Variants in CLMN observed in about 807,000 individuals in gnomAD.
CLMN encodes the protein calmin.
CLMN carries 57 observed loss-of-function variants against 92.7 expected under a neutral mutation model. The ratio of observed to expected loss-of-function variants is 0.61; its 90% CI spans 0.50 to 0.77. CLMN has a LOEUF of 0.77. CLMN is among the 30% of genes least tolerant of loss of function. CLMN has a pLI of 0.00. For missense variants in CLMN, 1,158 were observed against 1,237.5 expected (o/e 0.94, Z 0.96); for synonymous variants, 466 against 470.6 (o/e 0.99, Z 0.13).
At chr14:95,291,045 G>A (rs977174658) in intron 1 of CLMN, among the ~76,000 whole-genome samples, 2 of 152,164 alleles carry the variant, frequency 1.3e-5, no homozygotes, top group Non-Finnish European at 2.9e-5. Context: ...GCTGGGCTCC[G>A]AGCTGACCAC....
At chr14:95,310,628 G>A (rs572566611) in intron 1 of CLMN, among the ~76,000 whole-genome samples, 133 of 152,294 alleles carry the variant, frequency 8.7e-4, no homozygotes, top group African/African-American at 2.8e-3. Flanking sequence ...ACAAAGATTC[G>A]TGCACCTCAC....
At position 95,204,256 on chromosome 14, in the gene CLMN, C is replaced by G; in HGVS notation, c.1093G>C (p.Asp365His). Residue 365 changes from aspartate (D) to histidine (H), a missense_variant, in exon 9 of 13, where the codon GAT (aspartate) becomes CAT (histidine). By Grantham distance (81) the Asp-to-His change is moderately conservative. Coordinates refer to ENST00000298912, the MANE Select transcript of CLMN (RefSeq NM_024734.4). ...GACAGCGCATGGCTGGAAACACCATCCAGGCGGAATTCCTTCATGCTCTCG... is the reference window on the plus strand; with the variant it reads ...GACAGCGCATGGCTGGAAACACCATGCAGGCGGAATTCCTTCATGCTCTCG... ...KPESMKEFRL[D>H]GVSSHALSDS... is the part of the protein sequence containing the mutation. The G allele has an allele frequency of 6.2e-7, 1 of 1,614,074 alleles. No homozygotes were observed. Among genetic ancestry groups the G allele is most frequent in the South Asian group, 1.1e-5 (1 of 91,072 alleles).
chr14:95,275,994 C>T (rs1407865327), intron 1 of CLMN, among the ~76,000 whole-genome samples: 1 of 152,168 alleles, frequency 6.6e-6, no homozygotes, highest in Non-Finnish European at 1.5e-5. Flanking sequence ...AAACTTGCTT[C>T]GCTTTACTCA....
intron 1 of CLMN, among the ~76,000 whole-genome samples, chr14:95,234,889 C>T (rs1037450150): frequency 6.6e-6 from 1 of 152,230 alleles, no homozygotes; most frequent in Non-Finnish European, 1.5e-5. Flanking sequence ...TGTTTATTTA[C>T]AGTTGTGGCT....
intron 1 of CLMN, 24 bp from the exon 2 acceptor site, chr14:95,230,157 G>A: frequency 6.2e-7 from 1 of 1,609,132 alleles, no homozygotes; most frequent in Non-Finnish European, 8.5e-7. Context: ...CATACCATCA[G>A]CTGGGAGAAT....
At position 95,182,660 on chromosome 14, in the gene CLMN, C is replaced by T. The variant is rs962933796; in HGVS notation, c.*8904G>A. 9 of 149,940 alleles carry T rather than the reference C, an allele frequency of 6.0e-5. No homozygotes were observed. Among genetic ancestry groups the T allele is most frequent in the South Asian group, 2.1e-4 (1 of 4,838 alleles). The allele number at this position is 149,940 out of a possible 1,614,324, so 9.3% of individuals were successfully genotyped here. ...GGGATCCTTGTTGGAATGCAAACGG[C>T]TCCGATTCTGAGTAGAATTTCAGAA... On this transcript the variant is annotated 3_prime_UTR_variant, in exon 13 of 13. Coordinates refer to ENST00000298912, the MANE Select transcript of CLMN (RefSeq NM_024734.4).
Position 95,216,501 on chromosome 14 carries a change from G to A in CLMN, c.325-768C>T, listed in dbSNP as rs182901860. Among the ~76,000 whole-genome samples the A allele has an allele frequency of 4.7e-3, 712 of 152,322 alleles. 5 individuals carry two copies. The highest frequency in any genetic ancestry group is 0.017 in the African/African-American group (688 of 41,564). On this transcript the variant is annotated intron_variant, in intron 4 of 12. Coordinates refer to ENST00000298912, the MANE Select transcript of CLMN (RefSeq NM_024734.4). ...AGGCTTCAGTCATTCTTTTCCAAGAGAGATGGAAAATGCCCAGTACATCTG... is the reference window on the plus strand; with the variant it reads ...AGGCTTCAGTCATTCTTTTCCAAGAAAGATGGAAAATGCCCAGTACATCTG...
At chr14:95,255,749 C>T (rs1004938494) in intron 1 of CLMN, among the ~76,000 whole-genome samples, 34 of 152,276 alleles carry the variant, frequency 2.2e-4, no homozygotes, top group Admixed American at 5.2e-4. Flanking sequence ...AAGTCAGTGC[C>T]GTATTTAGTG....
At position 95,189,709 on chromosome 14, in the gene CLMN, A is replaced by ATAATC. The variant is rs1269211055; in HGVS notation, c.*1850_*1854dup. 5.9e-5 allele frequency: 9 copies of ATAATC among 152,338 alleles called. No individual in the cohort carries two copies. Among genetic ancestry groups the ATAATC allele is most frequent in the African/African-American group, 2.2e-4 (9 of 41,570 alleles). 9.4% of individuals were successfully genotyped at this position (152,338 alleles called of 1,614,324 possible). ...GGTGCCCAGAGTTATAAACTATCAC[A>ATAATC]TAATCTTTATTATCTGTACCTTTGA... On this transcript the variant is annotated 3_prime_UTR_variant, in exon 13 of 13. Transcript: ENST00000298912.
At chr14:95,201,659 G>A (rs1896887011) in intron 9 of CLMN, among the ~76,000 whole-genome samples, 1 of 148,476 alleles carries the variant, frequency 6.7e-6, no homozygotes, top group South Asian at 2.1e-4. Context: ...ATGGTAGTTT[G>A]CTGCACCTAT....
At chr14:95,238,654 C>T (rs1898139282) in intron 1 of CLMN, among the ~76,000 whole-genome samples, 1 of 152,298 alleles carries the variant, frequency 6.6e-6, no homozygotes, top group African/African-American at 2.4e-5. Context: ...CCACCCCCTG[C>T]CACCATGCTG....
rs993047985 is a variant in CLMN at position 95,188,563 on chromosome 14, G to A, written c.*3001C>T. On this transcript the variant is annotated 3_prime_UTR_variant, in exon 13 of 13. Coordinates refer to ENST00000298912, the MANE Select transcript of CLMN (RefSeq NM_024734.4). The stretch of plus-strand genomic sequence containing the variant: ...GAGCATCAGCCTGGGTGTAGGGGAG[G>A]GTCCAACATTGAAATAATAGGTGGT... 6.6e-6 allele frequency: 1 copy of A among 152,086 alleles called. No individual in the cohort carries two copies. The highest frequency in any genetic ancestry group is 1.5e-5 in the Non-Finnish European group (1 of 68,012). The allele number at this position is 152,086 out of a possible 1,614,324, so 9.4% of individuals were successfully genotyped here. A position where few individuals can be genotyped will look rare whatever the true frequency, so the allele number is the denominator to read the frequency against.
intron 6 of CLMN, among the ~76,000 whole-genome samples, 164 bp from the exon 7 acceptor site, chr14:95,211,043 C>T (rs1305097996): frequency 2.0e-5 from 3 of 152,196 alleles, no homozygotes; most frequent in African/African-American, 7.2e-5. Context: ...CTGCCCTGAA[C>T]CACTCACATT....
At chr14:95,289,402 G>A (rs1401656266) in intron 1 of CLMN, among the ~76,000 whole-genome samples, 1 of 151,650 alleles carries the variant, frequency 6.6e-6, no homozygotes, top group Non-Finnish European at 1.5e-5. Context: ...CTGAGGCATG[G>A]GAATTGCTTG....
chr14:95,225,622 T>G (rs1468127475), intron 2 of CLMN, among the ~76,000 whole-genome samples: 3 of 152,206 alleles, frequency 2.0e-5, no homozygotes, highest in Non-Finnish European at 4.4e-5. Flanking sequence ...GGCGGCCCCT[T>G]TGTAGTGAAC....
At chr14:95,196,348 G>C (rs1896710718) in intron 10 of CLMN, 150 bp downstream of exon 10, 1 of 786,074 alleles carries the variant, frequency 1.3e-6, no homozygotes, top group African/African-American at 1.8e-5. Flanking sequence ...GGGGAACCCA[G>C]GTGTAGAGAA....
At chr14:95,245,805 TGGATGGATGGAC>T (rs1898542715) in intron 1 of CLMN, among the ~76,000 whole-genome samples, 1 of 145,622 alleles carries the variant, frequency 6.9e-6, no homozygotes, top group Non-Finnish European at 1.5e-5. Context: ...ATTGGATGGA[TGGATGGATGGAC>T]GGATGGATGG....
At chr14:95,245,610 G>GGATAGGTGGATGGATGGATGGATGAATA (rs1898522277) in intron 1 of CLMN, among the ~76,000 whole-genome samples, 1 of 139,278 alleles carries the variant, frequency 7.2e-6, no homozygotes, top group African/African-American at 2.9e-5. Flanking sequence ...ATGAATGAAT[G>GGATAGGTGGATGGATGGATGGATGAATA]GATAGGTGGA....
chr14:95,203,384 T>C lies in CLMN; in HGVS notation c.1965A>G (p.Pro655=), dbSNP rs1296801121. ...TTCTCTTGGCCTTTTCATGCACCTCTGGCTTTTTATCCACTGGTGTCTCTT... is the reference window on the plus strand; with the variant it reads ...TTCTCTTGGCCTTTTCATGCACCTCCGGCTTTTTATCCACTGGTGTCTCTT... ...APEETPVDKK[P]EVHEKAKRKS... is the part of the protein sequence containing the mutation. The change falls in exon 9 of 13, where the codon CCA becomes CCG. Residue 655 remains proline, a synonymous_variant. Transcript: ENST00000298912. The C allele has an allele frequency of 3.1e-6, 5 of 1,614,036 alleles. No individual in the cohort carries two copies. The highest frequency in any genetic ancestry group is 4.2e-6 in the Non-Finnish European group (5 of 1,180,020).
Sources: allele counts gnomAD v4.1 joint callset (sites outside exome capture counted in the v4.1 genomes callset), GRCh38; gene constraint gnomAD v4.1.1; transcripts MANE v1.5; gene names NCBI Gene and HGNC (gene_info 2026-07-23, HGNC 2026-07-21).